ROBO2: variants seen among roughly 807,000 people sequenced by gnomAD.
The protein encoded by ROBO2 is roundabout homolog 2.
In ROBO2, 53 loss-of-function variants were observed where a neutral mutation model predicts 160.8. The observed-to-expected ratio is 0.33, with a 90% CI of 0.26 to 0.41. The LOEUF is 0.41. ROBO2 is among the 10% of genes least tolerant of loss of function. ROBO2 has a pLI of 1.00. For synonymous variants in ROBO2, 664 were observed against 611.7 expected (o/e 1.09, Z -1.26); for missense variants, 1,577 against 1,722.4 (o/e 0.92, Z 1.49).
exon 13 of ROBO2, chr3:77,568,343 A>G (rs749872295): frequency 6.2e-7 from 1 of 1,613,018 alleles, no homozygotes; most frequent in Admixed American, 1.7e-5. Flanking sequence ...GGAGTGGACC[A>G]CAGGCAAGTG....
chr3:76,787,816 T>G (rs2063090648), intron 2 of ROBO2, among the ~76,000 whole-genome samples: 1 of 151,452 alleles, frequency 6.6e-6, no homozygotes, highest in Non-Finnish European at 1.5e-5. Flanking sequence ...TAAGAAAAAT[T>G]AGTATATATT....
intron 6 of ROBO2, among the ~76,000 whole-genome samples, chr3:77,532,607 A>G (rs1159997342): frequency 1.3e-5 from 2 of 151,838 alleles, no homozygotes; most frequent in Admixed American, 1.3e-4. Flanking sequence ...CTTCTCTATA[A>G]TAATTTCAAT....
intron 2 of ROBO2, among the ~76,000 whole-genome samples, chr3:77,277,175 T>TCTTTCTTTCTTC: frequency 9.9e-6 from 1 of 100,564 alleles, no homozygotes; most frequent in Non-Finnish European, 2.0e-5. Context: ...TTTCTTTCTT[T>TCTTTCTTTCTTC]CTTTCTTTCT....
intron 2 of ROBO2, among the ~76,000 whole-genome samples, chr3:76,540,864 A>T (rs2108227102): frequency 6.6e-6 from 1 of 152,164 alleles, no homozygotes; most frequent in African/African-American, 2.4e-5. Context: ...CAGTGGTGAG[A>T]TCTTAGCTCA....
intron 2 of ROBO2, among the ~76,000 whole-genome samples, chr3:77,440,145 A>G (rs541482773): frequency 1.3e-5 from 2 of 152,324 alleles, no homozygotes; most frequent in Admixed American, 1.3e-4. Context: ...GTAACAATAA[A>G]AGATGGTTTA....
chr3:77,582,899 G>C (rs531001323), intron 16 of ROBO2, among the ~76,000 whole-genome samples: 20 of 152,108 alleles, frequency 1.3e-4, no homozygotes, highest in South Asian at 2.1e-4. Context: ...CTAGCACTTT[G>C]AGGGGCTGAG....
chr3:77,566,474 G>T (rs1183821949), intron 12 of ROBO2, among the ~76,000 whole-genome samples: 1 of 152,018 alleles, frequency 6.6e-6, no homozygotes, highest in Admixed American at 6.6e-5. Flanking sequence ...AACTTAAAAT[G>T]GAAAATGTGT....
chr3:76,967,388 TAG>T (rs2059353939), intron 2 of ROBO2, among the ~76,000 whole-genome samples: 1 of 151,874 alleles, frequency 6.6e-6, no homozygotes, highest in African/African-American at 2.4e-5. Flanking sequence ...GTATTCTTGG[TAG>T]AGATGGAGTT....
At chr3:77,639,169 C>A (rs185715639) in intron 24 of ROBO2, among the ~76,000 whole-genome samples, 1 of 152,090 alleles carries the variant, frequency 6.6e-6, no homozygotes, top group South Asian at 2.1e-4. Flanking sequence ...AGAGAAGGGG[C>A]TCTTTCTCAG....
chr3:75,929,097 G>T (rs2106915930), intron 1 of ROBO2, among the ~76,000 whole-genome samples: 1 of 131,214 alleles, frequency 7.6e-6, no homozygotes, highest in African/African-American at 3.0e-5. Flanking sequence ...TGTGGAGGGG[G>T]GGTAGCTGAT....
chr3:77,539,746 A>T (rs1038309003), intron 6 of ROBO2, among the ~76,000 whole-genome samples: 1 of 152,182 alleles, frequency 6.6e-6, no homozygotes, highest in East Asian at 1.9e-4. Flanking sequence ...AAAATCTTCA[A>T]ACTGAACTAA....
intron 2 of ROBO2, among the ~76,000 whole-genome samples, chr3:76,167,861 T>C (rs2072896972): frequency 6.6e-6 from 1 of 152,184 alleles, no homozygotes; most frequent in African/African-American, 2.4e-5. Flanking sequence ...CTGTTCACTT[T>C]TTGCTGGTTT....
chr3:76,098,889 A>G (rs973357327), intron 2 of ROBO2, among the ~76,000 whole-genome samples: 7 of 152,184 alleles, frequency 4.6e-5, no homozygotes, highest in African/African-American at 1.4e-4. Context: ...GGGCAAAGTG[A>G]ACAACATCTC....
intron 2 of ROBO2, among the ~76,000 whole-genome samples, chr3:76,577,929 C>G (rs1181879453): frequency 6.6e-6 from 1 of 152,114 alleles, no homozygotes; most frequent in Admixed American, 6.6e-5. Flanking sequence ...TGTTTTACAT[C>G]GCTTTTCTCC....
chr3:75,996,613 A>G (rs1238639584), intron 2 of ROBO2, among the ~76,000 whole-genome samples: 1 of 152,230 alleles, frequency 6.6e-6, no homozygotes, highest in Non-Finnish European at 1.5e-5. Context: ...GATGCATAAG[A>G]TTCAAAAGTA....
intron 2 of ROBO2, among the ~76,000 whole-genome samples, chr3:77,295,369 A>G (rs1259214331): frequency 3.3e-5 from 5 of 150,566 alleles, no homozygotes; most frequent in Admixed American, 3.3e-4. Flanking sequence ...TGATGGTTAA[A>G]TGGGTAAGCT....
chr3:77,125,806 T>C (rs1579197076), intron 2 of ROBO2, among the ~76,000 whole-genome samples: 4 of 152,316 alleles, frequency 2.6e-5, no homozygotes, highest in African/African-American at 7.2e-5. Context: ...AACAGCCAAT[T>C]TTAGAGTGCA....
intron 2 of ROBO2, among the ~76,000 whole-genome samples, chr3:76,206,590 C>A (rs930941734): frequency 6.6e-6 from 1 of 152,134 alleles, no homozygotes; most frequent in African/African-American, 2.4e-5. Flanking sequence ...GTCCAACGTG[C>A]ATATAGACAC....
At chr3:76,443,848 C>G (rs2077042957) in intron 2 of ROBO2, among the ~76,000 whole-genome samples, 1 of 152,110 alleles carries the variant, frequency 6.6e-6, no homozygotes, top group African/African-American at 2.4e-5. Context: ...TTCTGCTGGT[C>G]TTTTCTGGAA....
Sources: gnomAD v4.1 joint callset for allele counts (sites outside exome capture counted in the v4.1 genomes callset) on GRCh38, gnomAD v4.1.1 for gene constraint, MANE v1.5 for transcripts, NCBI Gene and HGNC (gene_info 2026-07-23, HGNC 2026-07-21) for gene names.